HSPD1: variants seen among roughly 807,000 people sequenced by gnomAD.
HSPD1 encodes heat shock protein family D (Hsp60) member 1, also known as 60 kDa heat shock protein, mitochondrial.
Under a neutral mutation model 53.0 loss-of-function variants are expected in HSPD1, and 3 were observed. The observed-to-expected ratio is 0.06, with a 90% CI of 0.03 to 0.15. The LOEUF (loss-of-function observed/expected upper bound fraction) is 0.15, where lower values mean the gene tolerates loss of function less well. Among genes scored for constraint, HSPD1 ranks in the 10% least tolerant of loss-of-function variants. HSPD1 has a pLI of 1.00. For missense variants in HSPD1, 431 were observed against 694.1 expected (o/e 0.62, Z 4.26); for synonymous variants, 200 against 228.0 (o/e 0.88, Z 1.10).
chr2:197,490,309 G>A lies in HSPD1; in HGVS notation c.870-13C>T. 1 of 1,586,842 alleles carries A rather than the reference G, an allele frequency of 6.3e-7. No homozygotes were observed. The highest frequency in any genetic ancestry group is 2.2e-5 in the East Asian group (1 of 44,756). On this transcript the variant is annotated splice_polypyrimidine_tract_variant and intron_variant, in intron 7 of 11. Coordinates refer to ENST00000388968, the MANE Select transcript of HSPD1 (RefSeq NM_002156.5). ...ACCAACCTTTAGCCTGTTAAGAATAGTTGATAGTAAGATTTAAATGAAATA... is the reference window on the plus strand; with the variant it reads ...ACCAACCTTTAGCCTGTTAAGAATAATTGATAGTAAGATTTAAATGAAATA...
chr2:197,498,282 A>T (rs75988349), intron 2 of HSPD1, among the ~76,000 whole-genome samples: 3 of 152,218 alleles, frequency 2.0e-5, no homozygotes, highest in Non-Finnish European at 4.4e-5. Context: ...CCAAAAAAAA[A>T]TTTAGCATCT....
chr2:197,487,644 ACTGCTACTCAAGGGATC>A (rs905532879), intron 11 of HSPD1, among the ~76,000 whole-genome samples, 197 bp downstream of exon 11: 1 of 152,244 alleles, frequency 6.6e-6, no homozygotes, highest in African/African-American at 2.4e-5. Context: ...CATGGACTCA[ACTGCTACTCAAGGGATC>A]CTGCTTCCTT....
At position 197,498,823 on chromosome 2, in the gene HSPD1, C is replaced by A. The variant is rs368305052; in HGVS notation, c.26G>T (p.Arg9Leu). Reference sequence around the variant, plus strand: ...TACCCTGGACACCGGTCTCATCTGGCGAAAGACTGTGGGTAACCGAAGCAT... The same window carrying A: ...TACCCTGGACACCGGTCTCATCTGGAGAAAGACTGTGGGTAACCGAAGCAT... MLRLPTVF[R>L]QMRPVSRVLA... Residue 9 changes from arginine to leucine, a missense_variant, in exon 2 of 12, where the codon CGC (arginine) becomes CTC (leucine). Arg to Leu is a moderately radical substitution (Grantham distance 102). This residue lies in a region of HSPD1 where 45 missense variants were observed against 36.5 expected (regional missense o/e 1.23). Coordinates refer to ENST00000388968, the MANE Select transcript of HSPD1 (RefSeq NM_002156.5). 9.9e-6 allele frequency: 16 copies of A among 1,614,006 alleles called. No individual in the cohort carries two copies. Among genetic ancestry groups the A allele is most frequent in the Non-Finnish European group, 1.2e-5 (14 of 1,180,036 alleles).
At position 197,489,301 on chromosome 2, in the gene HSPD1, A is replaced by T; in HGVS notation, c.970-54T>A. The T allele has an allele frequency of 1.9e-6, 3 of 1,587,552 alleles. No homozygotes were observed. In the South Asian group the frequency reaches 3.3e-5, roughly 18 times the overall value. The stretch of plus-strand genomic sequence containing the variant: ...TGTAGGTTACAGTTTCTGCCATTAT[A>T]CCAAGTTTATTAATACACCATGCAA... On this transcript the variant is annotated intron_variant, in intron 8 of 11. Transcript: ENST00000388968.
At chr2:197,491,834 CA>C (rs755986793) in intron 7 of HSPD1, among the ~76,000 whole-genome samples, 1 of 152,140 alleles carries the variant, frequency 6.6e-6, no homozygotes. Context: ...AAACATTTAA[CA>C]ACAGACTAAA....
chr2:197,494,937 C>T lies in HSPD1; in HGVS notation c.511-185G>A, dbSNP rs113884444. ...TCTTTTCCGATTCATTATTTGACTA[C>T]ATTGTTTTGAAGAATATGATACATA... On this transcript the variant is annotated intron_variant, in intron 4 of 11. Coordinates refer to ENST00000388968, the MANE Select transcript of HSPD1 (RefSeq NM_002156.5). 1.6e-4 allele frequency: 99 copies of T among 631,230 alleles called. 4 individuals are homozygous for T. The highest frequency in any genetic ancestry group is 1.3e-3 in the African/African-American group (70 of 54,444). 39.1% of individuals were successfully genotyped at this position (631,230 alleles called of 1,614,324 possible). A position where few individuals can be genotyped will look rare whatever the true frequency, so the allele number is the denominator to read the frequency against.
At chr2:197,490,323 T>G (rs771638522) in intron 7 of HSPD1, 27 bp from the exon 8 acceptor site, 21 of 1,533,986 alleles carry the variant, frequency 1.4e-5, no homozygotes, top group Non-Finnish European at 1.8e-5. Context: ...ATAGTAAGAT[T>G]TAAATGAAAT....
chr2:197,496,964 C>CCCACCATACAG lies in HSPD1; in HGVS notation c.427+165_427+175dup. ...TATCAAAATTACCTAACAGTACCTA[C>CCCACCATACAG]CCACCATACAGCCAAGCTTGCTAAA... On this transcript the variant is annotated intron_variant, in intron 3 of 11. Transcript: ENST00000388968. The CCCACCATACAG allele has an allele frequency of 7.4e-6, 5 of 674,818 alleles. No homozygotes were observed. The East Asian group carries it at 1.3e-4, about 18-fold the overall frequency. 41.8% of individuals were successfully genotyped at this position (674,818 alleles called of 1,614,324 possible).
chr2:197,490,108 T>A, intron 8 of HSPD1, 89 bp downstream of exon 8: 2 of 954,212 alleles, frequency 2.1e-6, no homozygotes, highest in Non-Finnish European at 3.4e-6. Context: ...CAGATAGTTG[T>A]AGTATCTAAT....
Position 197,489,881 on chromosome 2 carries a change from T to C in HSPD1, c.969+316A>G, listed in dbSNP as rs77226977. Among the ~76,000 whole-genome samples the C allele has an allele frequency of 9.3e-3, 1,396 of 150,844 alleles. 32 individuals are homozygous for C. Among genetic ancestry groups the C allele is most frequent in the African/African-American group, 0.031 (1,285 of 41,198 alleles). On this transcript the variant is annotated intron_variant, in intron 8 of 11. Coordinates refer to ENST00000388968, the MANE Select transcript of HSPD1 (RefSeq NM_002156.5). ...CAAAAAAAAAAAGAAACCCCACAGA[T>C]TTAAGTCAATAAGAATAGTCAATAT...
chr2:197,491,714 A>G (rs1482058432), intron 7 of HSPD1, among the ~76,000 whole-genome samples: 1 of 152,252 alleles, frequency 6.6e-6, no homozygotes, highest in Non-Finnish European at 1.5e-5. Context: ...TACCTGTCTT[A>G]AAGTTTAAAC....
chr2:197,494,092 C>G, intron 6 of HSPD1, 65 bp downstream of exon 6: 1 of 835,972 alleles, frequency 1.2e-6, no homozygotes, highest in South Asian at 1.4e-5. Context: ...GCCGGGGCAA[C>G]AGAGAATGAG....
At position 197,494,171 on chromosome 2, in the gene HSPD1, A is replaced by C; in HGVS notation, c.686T>G (p.Ile229Ser). The C allele has an allele frequency of 7.3e-7, 1 of 1,363,354 alleles. No individual in the cohort carries two copies. Among genetic ancestry groups the C allele is most frequent in the Non-Finnish European group, 1.0e-6 (1 of 953,074 alleles). The allele number at this position is 1,363,354 out of a possible 1,614,324, so 84.5% of individuals were successfully genotyped here. ...FDRGYISPYF[I>S]NTSKGQKCEF... The stretch of plus-strand genomic sequence containing the variant: ...TTTGTTCTTACCTTTTGATGTATTA[A>C]TAAAGTATGGAGAAATATAGCCTCG... Residue 229 changes from isoleucine to serine, a missense_variant, in exon 6 of 12, where the codon ATT (isoleucine) becomes AGT (serine). By Grantham distance (142) the Ile-to-Ser change is moderately radical (BLOSUM62 -2). This residue lies in a region of HSPD1 where 386 missense variants were observed against 657.6 expected (regional missense o/e 0.59). Coordinates refer to ENST00000388968, the MANE Select transcript of HSPD1 (RefSeq NM_002156.5).
intron 11 of HSPD1, among the ~76,000 whole-genome samples, 192 bp from the exon 12 acceptor site, chr2:197,487,390 T>TA (rs1188349737): frequency 2.0e-5 from 3 of 151,968 alleles, no homozygotes; most frequent in African/African-American, 7.3e-5. Context: ...CTACTAAAAA[T>TA]ACAAAAATTA....
Position 197,490,316 on chromosome 2 carries a change from G to C in HSPD1, c.870-20C>G. 5.1e-6 allele frequency: 8 copies of C among 1,567,376 alleles called. No individual in the cohort carries two copies. The highest frequency in any genetic ancestry group is 7.0e-6 in the Non-Finnish European group (8 of 1,137,624). On this transcript the variant is annotated intron_variant, in intron 7 of 11. Coordinates refer to ENST00000388968, the MANE Select transcript of HSPD1 (RefSeq NM_002156.5). ...TTTAGCCTGTTAAGAATAGTTGATA[G>C]TAAGATTTAAATGAAATAAAAATGC... is the stretch of plus-strand genomic sequence containing the variant.
rs2086174407 is a variant in HSPD1 at position 197,497,569 on chromosome 2, G to A, written c.175-177C>T. On this transcript the variant is annotated intron_variant, in intron 2 of 11. Coordinates refer to ENST00000388968, the MANE Select transcript of HSPD1 (RefSeq NM_002156.5). ...AGTTTATCGACATTCTTTGTCTACA[G>A]ACAAAATGACCTGATTCTCTGCCAA... The A allele has an allele frequency of 6.2e-6, 4 of 643,080 alleles. No homozygotes were observed. The Admixed American group carries it at 8.2e-5, about 13-fold the overall frequency. 39.8% of individuals were successfully genotyped at this position (643,080 alleles called of 1,614,324 possible). A position where few individuals can be genotyped will look rare whatever the true frequency, so the allele number is the denominator to read the frequency against.
rs201510737 is a variant in HSPD1 at position 197,493,391 on chromosome 2, G to A, written c.802C>T (p.Arg268Cys). ...TCAGCGATTATGACCAAAGGCTTAC[G>A]GTGAGCATTGGCAATTTCAAGAGCA... ...VPALEIANAH[R>C]KPLVIIAEDV... Residue 268 changes from arginine (R) to cysteine (C), a missense_variant, in exon 7 of 12, where the codon CGT (arginine) becomes TGT (cysteine). Physicochemically the swap from Arg to Cys is radical, Grantham distance 180. Coordinates refer to ENST00000388968, the MANE Select transcript of HSPD1 (RefSeq NM_002156.5). The A allele has an allele frequency of 7.4e-6, 12 of 1,613,510 alleles. No individual in the cohort carries two copies. Among genetic ancestry groups the A allele is most frequent in the African/African-American group, 1.3e-5 (1 of 74,834 alleles).
At chr2:197,493,299 A>G (rs2086117192) in intron 7 of HSPD1, 25 bp downstream of exon 7, 1 of 1,595,788 alleles carries the variant, frequency 6.3e-7, no homozygotes, top group African/African-American at 1.3e-5. Context: ...AGAAATATAA[A>G]TCAACAAATA....
At chr2:197,495,063 A>G (rs1245321389) in intron 4 of HSPD1, 63 of 603,186 alleles carry the variant, frequency 1.0e-4, no homozygotes, top group Non-Finnish European at 3.3e-5. Context: ...TCACAATCAT[A>G]TGAATCCATT....
Sources: gnomAD v4.1 joint callset for allele counts (sites outside exome capture counted in the v4.1 genomes callset) on GRCh38, gnomAD v4.1.1 for gene constraint, gnomAD v4.1.1 regional missense constraint, MANE v1.5 for transcripts, NCBI Gene and HGNC (gene_info 2026-07-23, HGNC 2026-07-21) for gene names.